Variants in EPHA4 observed in about 807,000 individuals in gnomAD.
EPHA4 encodes ephrin type-A receptor 4.
EPHA4 carries 19 observed loss-of-function variants against 108.3 expected under a neutral mutation model. The observed-to-expected ratio is 0.18, with a 90% CI of 0.12 to 0.26. EPHA4 has a LOEUF of 0.26. Among genes scored for constraint, EPHA4 ranks in the 10% least tolerant of loss-of-function variants. The pLI, the probability that EPHA4 is intolerant of heterozygous loss-of-function variation, is 1.00. For missense variants in EPHA4, 917 were observed against 1,254.0 expected, an observed-to-expected ratio of 0.73 and a Z score of 4.06; for synonymous variants, 449 against 455.5, an observed-to-expected ratio of 0.99 and a Z score of 0.18.
rs141962934 is a variant in EPHA4 at position 221,495,446 on chromosome 2, C to A, written c.979+5571G>T. ...AACTTGTCAGAAACAGACTCTCAGG[C>A]CTAACCTCGCTCCTCCTAATCCGCA... On this transcript the variant is annotated intron_variant, in intron 4 of 17. Transcript: ENST00000281821. Among the ~76,000 whole-genome samples the A allele has an allele frequency of 2.1e-4, 32 of 152,332 alleles. 1 individual carries two copies. The highest frequency in any genetic ancestry group is 1.9e-3 in the Admixed American group (29 of 15,304).
intron 3 of EPHA4, among the ~76,000 whole-genome samples, chr2:221,541,320 G>A (rs1177921704): frequency 1.3e-5 from 2 of 152,092 alleles, no homozygotes; most frequent in African/African-American, 4.8e-5. Context: ...GAGAACCGAA[G>A]CAGCGAGGGG....
At chr2:221,502,446 T>C (rs1270391031) in intron 3 of EPHA4, 2 of 465,596 alleles carry the variant, frequency 4.3e-6, no homozygotes, top group East Asian at 7.0e-5. Flanking sequence ...GAAACAGCAG[T>C]GGGGAGAAGG....
chr2:221,451,254 A>C (rs1559246464), intron 8 of EPHA4, among the ~76,000 whole-genome samples: 1 of 152,222 alleles, frequency 6.6e-6, no homozygotes, highest in Non-Finnish European at 1.5e-5. Context: ...TGGAAAAAAC[A>C]CTGCCCTAAA....
At chr2:221,514,096 G>GGT (rs1692920779) in intron 3 of EPHA4, among the ~76,000 whole-genome samples, 1 of 64,440 alleles carries the variant, frequency 1.6e-5, no homozygotes, top group South Asian at 6.8e-4. Flanking sequence ...GCCGGGGGGA[G>GGT]GGGGTTTGAA....
intron 5 of EPHA4, among the ~76,000 whole-genome samples, chr2:221,479,708 A>G (rs1200082233): frequency 2.6e-5 from 4 of 152,344 alleles, no homozygotes; most frequent in Admixed American, 2.6e-4. Context: ...ATCAAAGATA[A>G]ACTATCCTGA....
At chr2:221,475,778 G>A (rs1691636174) in intron 5 of EPHA4, among the ~76,000 whole-genome samples, 1 of 152,104 alleles carries the variant, frequency 6.6e-6, no homozygotes, top group Non-Finnish European at 1.5e-5. Flanking sequence ...ATATTATTCT[G>A]TTTTTTATTA....
In EPHA4 at chr2:221,530,042, C is replaced by A. The variant is rs144452667; in HGVS notation, c.824-28870G>T. ...GAATATCCAAATAATAAACACCCAA[C>A]GCAAACAGTCCAGTAGGGGCAGGTA... On this transcript the variant is annotated intron_variant, in intron 3 of 17. Transcript: ENST00000281821. Among the ~76,000 whole-genome samples, 79 of 152,242 alleles carry A rather than the reference C, an allele frequency of 5.2e-4. No individual in the cohort carries two copies. In the South Asian group the frequency reaches 0.016, roughly 31 times the overall value.
intron 3 of EPHA4, among the ~76,000 whole-genome samples, chr2:221,510,229 G>A (rs2106164705): frequency 6.6e-6 from 1 of 152,184 alleles, no homozygotes. Context: ...TATTAACATG[G>A]GGTAGAAAAC....
intron 3 of EPHA4, among the ~76,000 whole-genome samples, chr2:221,554,391 C>T (rs982078804): frequency 1.3e-5 from 2 of 152,240 alleles, no homozygotes; most frequent in African/African-American, 2.4e-5. Context: ...ACTTCAAAAA[C>T]ATTTCATGCA....
intron 1 of EPHA4, among the ~76,000 whole-genome samples, chr2:221,570,695 C>G (rs958103003): frequency 1.7e-3 from 185 of 107,778 alleles, no homozygotes; most frequent in African/African-American, 5.4e-3. Context: ...ACAGAGAAAA[C>G]GATAGATTAC....
chr2:221,482,247 C>A (rs1553576425), intron 5 of EPHA4, 105 bp downstream of exon 5: 3 of 1,183,954 alleles, frequency 2.5e-6, no homozygotes, highest in Non-Finnish European at 3.5e-6. Flanking sequence ...AGCTCCCAGG[C>A]TTGATTGATT....
chr2:221,511,909 GGTTTTCAAT>G (rs1692845119), intron 3 of EPHA4, among the ~76,000 whole-genome samples: 1 of 151,996 alleles, frequency 6.6e-6, no homozygotes, highest in African/African-American at 2.4e-5. Flanking sequence ...AACAAAATAT[GGTTTTCAAT>G]ATTGCCTTAT....
At position 221,557,578 on chromosome 2, in the gene EPHA4, G is replaced by A. The variant is rs1274845856; in HGVS notation, c.823+6153C>T. 3.9e-5 allele frequency among the ~76,000 whole-genome samples: 6 copies of A among 152,216 alleles called. No homozygotes were observed. The East Asian group carries it at 1.2e-3, about 29-fold the overall frequency. On this transcript the variant is annotated intron_variant, in intron 3 of 17. Transcript: ENST00000281821. ...TGTCTACAATTGCACATCTGATTAAGTGGCTCAACTCCAAAGGCAGTTCTT... is the reference window on the plus strand; with the variant it reads ...TGTCTACAATTGCACATCTGATTAAATGGCTCAACTCCAAAGGCAGTTCTT...
chr2:221,497,734 T>A (rs1300101028), intron 4 of EPHA4, among the ~76,000 whole-genome samples: 1 of 150,758 alleles, frequency 6.6e-6, no homozygotes, highest in Non-Finnish European at 1.5e-5. Context: ...AGACTCCATC[T>A]CAAAAAAAAA....
rs372198896 is a variant in EPHA4, at chr2:221,442,864, G to A, written c.2039C>T (p.Pro680Leu). Reference sequence around the variant, plus strand: ...CACGCCTTCCAAGTGAATGATGTTCGGATGGTCAAACTGTCCCATGATGCT... The same window carrying A: ...CACGCCTTCCAAGTGAATGATGTTCAGATGGTCAAACTGTCCCATGATGCT... ...EASIMGQFDH[P>L]NIIHLEGVVT... The change falls in exon 11 of 18, where the codon CCG becomes CTG. Residue 680 changes from proline to leucine, a missense_variant. Transcript: ENST00000281821. 3.4e-5 allele frequency: 55 copies of A among 1,613,984 alleles called. No individual in the cohort carries two copies. The highest frequency in any genetic ancestry group is 4.2e-5 in the Non-Finnish European group (49 of 1,180,010).
chr2:221,481,393 T>C (rs1183751456), intron 5 of EPHA4, among the ~76,000 whole-genome samples: 1 of 116,386 alleles, frequency 8.6e-6, no homozygotes. Context: ...CAATCACGCC[T>C]GTAATCCCAG....
intron 13 of EPHA4, among the ~76,000 whole-genome samples, chr2:221,435,221 T>A (rs1288477368): frequency 6.6e-6 from 1 of 152,192 alleles, no homozygotes; most frequent in Non-Finnish European, 1.5e-5. Context: ...ATTGCATTCA[T>A]CCTTGTTACG....
At chr2:221,514,391 A>G (rs979148418) in intron 3 of EPHA4, among the ~76,000 whole-genome samples, 11 of 152,120 alleles carry the variant, frequency 7.2e-5, no homozygotes, top group African/African-American at 2.7e-4. Flanking sequence ...ACAAAAGGTT[A>G]GTGTTTAGTC....
At chr2:221,478,350 A>G (rs749450174) in intron 5 of EPHA4, among the ~76,000 whole-genome samples, 12 of 152,194 alleles carry the variant, frequency 7.9e-5, no homozygotes, top group Non-Finnish European at 2.9e-5. Flanking sequence ...AAAGTAAACC[A>G]AAGGAAAGCC....
Sources: allele counts gnomAD v4.1 joint callset (sites outside exome capture counted in the v4.1 genomes callset), GRCh38; gene constraint gnomAD v4.1.1; transcripts MANE v1.5; gene names NCBI Gene and HGNC (gene_info 2026-07-23, HGNC 2026-07-21).